ENDOU: variants seen among roughly 807,000 people sequenced by gnomAD.
ENDOU encodes endonuclease, poly(U) specific, also known as uridylate-specific endoribonuclease.
Under a neutral mutation model 54.2 loss-of-function variants are expected in ENDOU, and 49 were observed. That is an observed-to-expected ratio of 0.90 (90% confidence interval 0.72 to 1.15). The LOEUF is 1.15. Ranked by LOEUF, ENDOU falls within the 50% of genes most tolerant of loss-of-function variation. The pLI is 0.00. For missense variants in ENDOU, 458 were observed against 511.4 expected (o/e 0.90, Z 1.01); for synonymous variants, 172 against 190.5 (o/e 0.90, Z 0.80).
At chr12:47,712,669 C>A in intron 7 of ENDOU, 47 bp from the exon 8 acceptor site, 1 of 1,404,142 alleles carries the variant, frequency 7.1e-7, no homozygotes, top group Non-Finnish European at 1.0e-6. Context: ...CTTCCCCACC[C>A]TCCCCTCCAA....
chr12:47,718,816 G>T (rs907389639), intron 2 of ENDOU, among the ~76,000 whole-genome samples: 1 of 152,008 alleles, frequency 6.6e-6, no homozygotes, highest in Non-Finnish European at 1.5e-5. Context: ...ATGCAGGGGG[G>T]AGAAATGTTC....
intron 7 of ENDOU, among the ~76,000 whole-genome samples, 154 bp downstream of exon 7, chr12:47,713,120 GC>G (rs1940092491): frequency 6.6e-6 from 1 of 151,230 alleles, no homozygotes; most frequent in Non-Finnish European, 1.5e-5. Context: ...ACACCCCCCC[GC>G]CCCCCTGCCA....
chr12:47,718,125 T>C lies in ENDOU; in HGVS notation c.244+4A>G. The stretch of plus-strand genomic sequence containing the variant: ...AGGGCCCCCCTTTGGGGAGGCAGGC[T>C]CACTGCTGGCGAGGGCCTCTTCTGT... On this transcript the variant is annotated splice_donor_region_variant and intron_variant, in intron 3 of 9. Transcript: ENST00000422538. The C allele has an allele frequency of 6.4e-7, 1 of 1,566,720 alleles. No homozygotes were observed. Among genetic ancestry groups the C allele is most frequent in the Non-Finnish European group, 8.7e-7 (1 of 1,154,030 alleles).
intron 7 of ENDOU, among the ~76,000 whole-genome samples, chr12:47,712,856 C>T (rs1940079509): frequency 6.6e-6 from 1 of 152,076 alleles, no homozygotes; most frequent in African/African-American, 2.4e-5. Flanking sequence ...TCCTGATGAC[C>T]TCTCTCAGCC....
intron 1 of ENDOU, 135 bp from the exon 2 acceptor site, chr12:47,721,010 G>T: frequency 1.3e-6 from 1 of 788,628 alleles, no homozygotes; most frequent in South Asian, 1.8e-5. Flanking sequence ...CAAAGGAGAA[G>T]TACATCCACA....
At chr12:47,711,859 G>A in intron 8 of ENDOU, 84 bp from the exon 9 acceptor site, 4 of 1,494,462 alleles carry the variant, frequency 2.7e-6, no homozygotes, top group Non-Finnish European at 2.8e-6. Flanking sequence ...CAGTCAGACA[G>A]TATTTGTTGA....
intron 1 of ENDOU, among the ~76,000 whole-genome samples, chr12:47,721,536 T>C (rs1940433710): frequency 1.3e-5 from 2 of 152,196 alleles, no homozygotes; most frequent in African/African-American, 4.8e-5. Flanking sequence ...TGCACGCTCT[T>C]TCCCCCTGTG....
At chr12:47,725,333 C>T (rs1486276354) in intron 1 of ENDOU, 26 bp downstream of exon 1, 2 of 1,613,628 alleles carry the variant, frequency 1.2e-6, no homozygotes, top group African/African-American at 1.3e-5. Context: ...CACCAGCAAT[C>T]CCATGCCCGC....
chr12:47,712,418 C>G (rs1181959751), intron 8 of ENDOU, 98 bp downstream of exon 8: 4 of 904,224 alleles, frequency 4.4e-6, no homozygotes, highest in Admixed American at 2.2e-5. Flanking sequence ...GGGGCTGCCC[C>G]CTGAGAGTCA....
At chr12:47,716,227 C>T in intron 6 of ENDOU, 73 bp downstream of exon 6, 2 of 1,495,962 alleles carry the variant, frequency 1.3e-6, no homozygotes, top group Non-Finnish European at 1.9e-6. Context: ...CCCTCCTAAC[C>T]TTCCCCTCCC....
chr12:47,716,252 T>C (rs765642575), intron 6 of ENDOU, 48 bp downstream of exon 6: 1 of 1,596,208 alleles, frequency 6.3e-7, no homozygotes, highest in Non-Finnish European at 8.6e-7. Flanking sequence ...CCACCTGGCT[T>C]CGCTCAGACA....
chr12:47,719,757 T>C (rs1470853032), intron 2 of ENDOU: 2 of 152,242 alleles, frequency 1.3e-5, no homozygotes, highest in Non-Finnish European at 2.9e-5. Flanking sequence ...TATTTCTTCA[T>C]AGCAGTATGA....
intron 1 of ENDOU, among the ~76,000 whole-genome samples, chr12:47,724,040 C>G (rs1157062435): frequency 2.6e-5 from 4 of 152,168 alleles, no homozygotes; most frequent in Non-Finnish European, 5.9e-5. Context: ...ATCCCACAGC[C>G]AAAGCAGATA....
rs200586748 is a variant in ENDOU at position 47,717,043 on chromosome 12, C to T, written c.398G>A (p.Ser133Asn). 3.1e-6 allele frequency: 5 copies of T among 1,614,090 alleles called. No homozygotes were observed. The African/African-American group carries it at 5.3e-5, about 17-fold the overall frequency. Residue 133 changes from serine (S) to asparagine (N), a missense_variant, in exon 5 of 10, where the codon AGT (serine) becomes AAT (asparagine). Physicochemically the swap from Ser to Asn is conservative, Grantham distance 46 (BLOSUM62 1). Coordinates refer to ENST00000422538, the MANE Select transcript of ENDOU (RefSeq NM_001172439.2). ...AATCTCCTCTTTTGTTATGGCATCACTGCTGTGGGAGACCTCTGGGAGGAA... is the reference window on the plus strand; with the variant it reads ...AATCTCCTCTTTTGTTATGGCATCATTGCTGTGGGAGACCTCTGGGAGGAA... ...LCSDHEVSHSSDAITKEEIQS... is the reference protein window; with the variant it reads ...LCSDHEVSHSNDAITKEEIQS...
In ENDOU at chr12:47,717,558, C is replaced by A. The variant is rs774622387; in HGVS notation, c.342G>T (p.Gly114=). The A allele has an allele frequency of 1.2e-6, 2 of 1,614,062 alleles. No homozygotes were observed. Among genetic ancestry groups the A allele is most frequent in the African/African-American group, 2.7e-5 (2 of 74,922 alleles). ...GGCTCTCAAAATCCTTGCAGCAGTTCCCAAACTCTTGGCAGCGGGCATTGC... is the reference window on the plus strand; with the variant it reads ...GGCTCTCAAAATCCTTGCAGCAGTTACCAAACTCTTGGCAGCGGGCATTGC... ...CHCNARCQEF[G]NCCKDFESLC... The change falls in exon 4 of 10, where the codon GGG becomes GGT. Residue 114 remains glycine, a synonymous_variant. Coordinates refer to ENST00000422538, the MANE Select transcript of ENDOU (RefSeq NM_001172439.2).
intron 1 of ENDOU, among the ~76,000 whole-genome samples, chr12:47,723,372 A>G (rs1056032117): frequency 6.6e-6 from 1 of 152,150 alleles, no homozygotes; most frequent in African/African-American, 2.4e-5. Flanking sequence ...TCTGATGAGT[A>G]ACTAGTCACC....
At chr12:47,718,695 AG>A (rs1940340564) in intron 2 of ENDOU, among the ~76,000 whole-genome samples, 3 of 152,150 alleles carry the variant, frequency 2.0e-5, no homozygotes, top group Admixed American at 1.3e-4. Flanking sequence ...TCTAGGGAAA[AG>A]GCATGTTCAG....
At chr12:47,724,871 T>A (rs922963400) in intron 1 of ENDOU, among the ~76,000 whole-genome samples, 1 of 151,998 alleles carries the variant, frequency 6.6e-6, no homozygotes, top group Non-Finnish European at 1.5e-5. Flanking sequence ...TGGTCAAAGG[T>A]CCTTTCAGTT....
chr12:47,711,646 T>C lies in ENDOU; in HGVS notation c.1102A>G (p.Arg368Gly). 1.2e-6 allele frequency: 2 copies of C among 1,613,634 alleles called. No individual in the cohort carries two copies. Among genetic ancestry groups the C allele is most frequent in the South Asian group, 1.1e-5 (1 of 90,974 alleles). Residue 368 changes from arginine to glycine, a missense_variant, in exon 9 of 10, where the codon AGG (arginine) becomes GGG (glycine). Physicochemically the swap from Arg to Gly is moderately radical, Grantham distance 125. Transcript: ENST00000422538. The part of the protein sequence containing the change: ...FALYSLCFIA[R>G]PGKVCQLSLG... Reference sequence around the variant, plus strand: ...CCCCATTCTTACACTTTGCCTGGCCTGGCGATGAAGCACAGGGAGTAGAGT... The same window carrying C: ...CCCCATTCTTACACTTTGCCTGGCCCGGCGATGAAGCACAGGGAGTAGAGT...
Sources: gnomAD v4.1 joint callset for allele counts (sites outside exome capture counted in the v4.1 genomes callset) on GRCh38, gnomAD v4.1.1 for gene constraint, MANE v1.5 for transcripts, NCBI Gene and HGNC (gene_info 2026-07-23, HGNC 2026-07-21) for gene names.